Variants in KMT5B observed in about 807,000 individuals in gnomAD.
KMT5B encodes the protein lysine methyltransferase 5B, also known as histone-lysine N-methyltransferase KMT5B.
KMT5B carries 10 observed loss-of-function variants against 83.2 expected under a neutral mutation model. That is an observed-to-expected ratio of 0.12 (90% CI 0.07 to 0.20). KMT5B has a LOEUF of 0.20. Ranked by LOEUF, KMT5B falls within the 10% of genes least tolerant of loss-of-function variation. The probability of loss-of-function intolerance (pLI) is 1.00; values close to 1 mark genes in which losing one functional copy is unlikely to be tolerated. For missense variants in KMT5B, 753 were observed against 1,067.2 expected (o/e 0.71, Z 4.10); for synonymous variants, 349 against 388.8 (o/e 0.90, Z 1.20).
intron 1 of KMT5B, among the ~76,000 whole-genome samples, chr11:68,212,111 G>A (rs191197173): frequency 4.0e-4 from 61 of 152,156 alleles, no homozygotes; most frequent in African/African-American, 1.4e-3. Flanking sequence ...CAATATTATA[G>A]GCGTGTTCTC....
At chr11:68,181,075 C>CT (rs71461690) in intron 3 of KMT5B, among the ~76,000 whole-genome samples, 68 of 143,686 alleles carry the variant, frequency 4.7e-4, no homozygotes, top group Non-Finnish European at 5.9e-4. Context: ...TTTCTTTTTT[C>CT]TTTTTTTTTT....
At chr11:68,210,937 T>C (rs1259407494) in intron 1 of KMT5B, among the ~76,000 whole-genome samples, 6 of 152,076 alleles carry the variant, frequency 3.9e-5, no homozygotes, top group Non-Finnish European at 7.4e-5. Context: ...CACGAAATAA[T>C]GGGACCACGG....
At chr11:68,182,979 G>A (rs1590995071) in intron 3 of KMT5B, among the ~76,000 whole-genome samples, 6 of 149,940 alleles carry the variant, frequency 4.0e-5, no homozygotes, top group Admixed American at 1.3e-4. Flanking sequence ...CAGGTGATCC[G>A]CCCACCTCAG....
At chr11:68,160,764 T>A (rs1264633291) in intron 10 of KMT5B, among the ~76,000 whole-genome samples, 1 of 151,844 alleles carries the variant, frequency 6.6e-6, no homozygotes, top group Non-Finnish European at 1.5e-5. Context: ...CTGGCCAATA[T>A]GGTGAAACCC....
At chr11:68,186,089 C>T (rs556919161) in intron 2 of KMT5B, among the ~76,000 whole-genome samples, 161 bp from the exon 3 acceptor site, 2 of 152,162 alleles carry the variant, frequency 1.3e-5, no homozygotes, top group African/African-American at 4.8e-5. Flanking sequence ...AGACAGAAAA[C>T]CAAATGCAGT....
intron 1 of KMT5B, among the ~76,000 whole-genome samples, chr11:68,194,275 T>C (rs1365851190): frequency 7.0e-6 from 1 of 143,388 alleles, no homozygotes; most frequent in African/African-American, 2.6e-5. Flanking sequence ...CACTGCAACC[T>C]CCACCTCCCA....
chr11:68,211,931 G>C (rs1005608029), intron 1 of KMT5B, among the ~76,000 whole-genome samples: 1 of 152,190 alleles, frequency 6.6e-6, no homozygotes, highest in Non-Finnish European at 1.5e-5. Flanking sequence ...CTCCAAGAGG[G>C]ACAGGGCCAC....
chr11:68,179,789 C>G (rs1426359077), intron 4 of KMT5B: 4 of 456,504 alleles, frequency 8.8e-6, no homozygotes, highest in Non-Finnish European at 1.4e-5. Context: ...TTTGTAGACG[C>G]TGAGTGAGGA....
chr11:68,174,247 C>T (rs920312855), intron 5 of KMT5B: 1 of 383,984 alleles, frequency 2.6e-6, no homozygotes, highest in African/African-American at 2.1e-5. Context: ...AAAGTAAGAT[C>T]ATTAGGTAAC....
chr11:68,161,713 G>A (rs1188002571), intron 10 of KMT5B, among the ~76,000 whole-genome samples: 1 of 152,106 alleles, frequency 6.6e-6, no homozygotes, highest in Admixed American at 6.5e-5. Context: ...CTGTCAAAGA[G>A]AGCGCACTCT....
intron 1 of KMT5B, among the ~76,000 whole-genome samples, chr11:68,201,378 G>A (rs1210188241): frequency 6.6e-6 from 1 of 152,152 alleles, no homozygotes; most frequent in Admixed American, 6.5e-5. Context: ...AATGGGCTAC[G>A]TTCACATAAC....
At chr11:68,166,290 T>C (rs978830296) in intron 10 of KMT5B, 1 of 1,103,526 alleles carries the variant, frequency 9.1e-7, no homozygotes, top group Admixed American at 4.8e-5. Context: ...TCTCTTTCCT[T>C]TCTCTTTGTT....
Position 68,155,107 on chromosome 11 carries a change from T to C in KMT5B, c.*2581A>G, listed in dbSNP as rs1859201226. Reference sequence around the variant, plus strand: ...ATTGAATACTTTACATATATTTCTATGATCATCTCCTAATTCTTACAATGC... The same window carrying C: ...ATTGAATACTTTACATATATTTCTACGATCATCTCCTAATTCTTACAATGC... On this transcript the variant is annotated 3_prime_UTR_variant, in exon 11 of 11. Transcript: ENST00000304363. The C allele has an allele frequency of 1.3e-5, 2 of 152,264 alleles. No individual in the cohort carries two copies. The highest frequency in any genetic ancestry group is 4.8e-5 in the African/African-American group (2 of 41,474). 9.4% of individuals were successfully genotyped at this position (152,264 alleles called of 1,614,324 possible). A position where few individuals can be genotyped will look rare whatever the true frequency, so the allele number is the denominator to read the frequency against.
rs1856222648 is a variant in KMT5B at position 68,175,049 on chromosome 11, T to C, written c.512A>G (p.Asn171Ser). 1.2e-6 allele frequency: 2 copies of C among 1,613,938 alleles called. No homozygotes were observed. Among genetic ancestry groups the C allele is most frequent in the Non-Finnish European group, 1.7e-6 (2 of 1,179,958 alleles). ...EWARHYFLNK[N>S]KMQEKLFKEH... is the part of the protein sequence containing the mutation. ...TTTGAATAATTTCTCCTGCATTTTA[T>C]TCTTGTTGAGAAAATAGTGCCGTGC... The change falls in exon 5 of 11, where the codon AAT (asparagine) becomes AGT (serine). Residue 171 changes from asparagine to serine, a missense_variant. By Grantham distance (46) the Asn-to-Ser change is conservative. Transcript: ENST00000304363.
chr11:68,174,919 A>G (rs1299916345), intron 5 of KMT5B, 99 bp downstream of exon 5: 9 of 1,114,722 alleles, frequency 8.1e-6, no homozygotes, highest in Non-Finnish European at 1.1e-5. Context: ...TTTATGAAAA[A>G]TAAATTTAAA....
At chr11:68,195,010 A>G (rs1858540650) in intron 1 of KMT5B, among the ~76,000 whole-genome samples, 1 of 152,148 alleles carries the variant, frequency 6.6e-6, no homozygotes, top group Non-Finnish European at 1.5e-5. Context: ...CCTCATTGCT[A>G]CTAAAAATAA....
At position 68,156,337 on chromosome 11, in the gene KMT5B, G is replaced by C. The variant is rs540441569; in HGVS notation, c.*1351C>G. On this transcript the variant is annotated 3_prime_UTR_variant, in exon 11 of 11. Transcript: ENST00000304363. ...GCAAAATAATCCAGAGAAATGAAAA[G>C]AACCTGGTATTGAACATAAAGTAGT... is the stretch of plus-strand genomic sequence containing the variant. 1 of 152,664 alleles carries C rather than the reference G, an allele frequency of 6.6e-6. No individual in the cohort carries two copies. Among genetic ancestry groups the C allele is most frequent in the African/African-American group, 2.4e-5 (1 of 41,544 alleles). 9.5% of individuals were successfully genotyped at this position (152,664 alleles called of 1,614,324 possible).
rs199755370 is a variant in KMT5B at position 68,185,858 on chromosome 11, G to C, written c.231C>G (p.Leu77=). 1.7e-5 allele frequency: 28 copies of C among 1,614,124 alleles called. No homozygotes were observed. The highest frequency in any genetic ancestry group is 2.2e-5 in the East Asian group (1 of 44,864). The change falls in exon 3 of 11, where the codon CTC becomes CTG. Residue 77 remains leucine (L), a synonymous_variant. Coordinates refer to ENST00000304363, the MANE Select transcript of KMT5B (RefSeq NM_017635.5). ...VPSSGMSAKE[L]CENDDLATSL... Reference sequence around the variant, plus strand: ...TGGTTGCTAGGTCATCATTTTCACAGAGTTCCTTGGCGGACATTCCAGAGG... The same window carrying C: ...TGGTTGCTAGGTCATCATTTTCACACAGTTCCTTGGCGGACATTCCAGAGG...
At chr11:68,170,227 T>C (rs1257527618) in intron 9 of KMT5B, among the ~76,000 whole-genome samples, 1 of 152,226 alleles carries the variant, frequency 6.6e-6, no homozygotes, top group Non-Finnish European at 1.5e-5. Flanking sequence ...TGGGGTCTGA[T>C]ACTTATGTTC....
Sources: allele counts gnomAD v4.1 joint callset (sites outside exome capture counted in the v4.1 genomes callset), GRCh38; gene constraint gnomAD v4.1.1; transcripts MANE v1.5; gene names NCBI Gene and HGNC (gene_info 2026-07-23, HGNC 2026-07-21).